CEMIP: variants seen among roughly 807,000 people sequenced by gnomAD.
CEMIP encodes cell migration-inducing and hyaluronan-binding protein.
In CEMIP, 105 loss-of-function variants were observed where a neutral mutation model predicts 156.9. The observed-to-expected ratio is 0.67, with a 90% CI of 0.57 to 0.79. CEMIP has a LOEUF of 0.79. CEMIP is among the 30% of genes least tolerant of loss of function. The probability of loss-of-function intolerance (pLI) is 0.00; values close to 1 mark genes in which losing one functional copy is unlikely to be tolerated. For synonymous variants in CEMIP, 676 were observed against 668.4 expected (o/e 1.01, Z -0.17); for missense variants, 1,457 against 1,769.4 (o/e 0.82, Z 3.17).
chr15:80,943,317 G>A (rs541799305), intron 28 of CEMIP, among the ~76,000 whole-genome samples: 38 of 152,332 alleles, frequency 2.5e-4, no homozygotes, highest in African/African-American at 7.7e-4. Context: ...TAGGTCAGGC[G>A]GAGGCAGGCG....
chr15:80,783,408 G>A (rs1384815949), intron 1 of CEMIP, among the ~76,000 whole-genome samples: 1 of 152,212 alleles, frequency 6.6e-6, no homozygotes, highest in Admixed American at 6.5e-5. Context: ...TAAAGCATCA[G>A]CTATCTCTCA....
At chr15:80,872,684 G>A (rs1898336435) in intron 1 of CEMIP, among the ~76,000 whole-genome samples, 1 of 152,108 alleles carries the variant, frequency 6.6e-6, no homozygotes, top group South Asian at 2.1e-4. Flanking sequence ...GTGTGGTGGT[G>A]CATGCCTGCA....
chr15:80,853,991 T>C (rs1897777434), intron 1 of CEMIP, among the ~76,000 whole-genome samples: 1 of 152,210 alleles, frequency 6.6e-6, no homozygotes, highest in Non-Finnish European at 1.5e-5. Flanking sequence ...CTTCCAAATG[T>C]AATACCCAGA....
At chr15:80,920,431 T>G in intron 15 of CEMIP, 132 bp downstream of exon 15, 1 of 769,504 alleles carries the variant, frequency 1.3e-6, no homozygotes, top group Non-Finnish European at 2.1e-6. Flanking sequence ...TCACAGCCCT[T>G]AACCACCTAC....
chr15:80,914,049 G>GA (rs1426493400), intron 14 of CEMIP, among the ~76,000 whole-genome samples: 1 of 151,980 alleles, frequency 6.6e-6, no homozygotes, highest in East Asian at 1.9e-4. Context: ...AAAGCTGCAG[G>GA]ATGCAGGCAG....
In CEMIP at chr15:80,921,755, C is replaced by T. The variant is rs546992660; in HGVS notation, c.2074-254C>T. On this transcript the variant is annotated intron_variant, in intron 16 of 29. Coordinates refer to ENST00000394685, the MANE Select transcript of CEMIP (RefSeq NM_001293298.2). ...AGTTTCAGCCCTGCAGTGATTGAAA[C>T]GCAGCATTTCTGAGCCATGTCTGAT... 1.2e-4 allele frequency among the ~76,000 whole-genome samples: 18 copies of T among 152,354 alleles called. No homozygotes were observed. In the South Asian group the frequency reaches 2.3e-3, roughly 19 times the overall value.
At chr15:80,793,599 T>C (rs1896139329) in intron 1 of CEMIP, among the ~76,000 whole-genome samples, 1 of 152,182 alleles carries the variant, frequency 6.6e-6, no homozygotes, top group Non-Finnish European at 1.5e-5. Flanking sequence ...CCTTGAGCTG[T>C]TACTAGATAT....
At chr15:80,878,167 A>G (rs1300242774) in intron 3 of CEMIP, among the ~76,000 whole-genome samples, 2 of 152,256 alleles carry the variant, frequency 1.3e-5, no homozygotes. Context: ...GATATAAACT[A>G]TAGTTCCTCC....
intron 1 of CEMIP, among the ~76,000 whole-genome samples, chr15:80,813,867 T>A (rs551657807): frequency 9.1e-4 from 138 of 152,236 alleles, no homozygotes; most frequent in African/African-American, 3.1e-3. Context: ...GCAAATTTGA[T>A]CATTTTTCTC....
intron 1 of CEMIP, among the ~76,000 whole-genome samples, chr15:80,834,966 G>C (rs74863882): frequency 1.3e-5 from 2 of 152,026 alleles, no homozygotes; most frequent in East Asian, 3.9e-4. Flanking sequence ...TTAAAAAAAA[G>C]AGCATGTGGC....
At chr15:80,901,048 A>C (rs145073266) in intron 12 of CEMIP, 1 of 447,918 alleles carries the variant, frequency 2.2e-6, no homozygotes, top group African/African-American at 2.0e-5. Context: ...TGTCAACCAC[A>C]GTATGATTAC....
chr15:80,926,612 A>G (rs2141936966), intron 19 of CEMIP, among the ~76,000 whole-genome samples: 1 of 152,224 alleles, frequency 6.6e-6, no homozygotes, highest in South Asian at 2.1e-4. Context: ...TCAGAAATGC[A>G]GAGATCTGGG....
chr15:80,919,814 CAA>C (rs11300537), intron 14 of CEMIP, among the ~76,000 whole-genome samples: 178 of 146,684 alleles, frequency 1.2e-3, no homozygotes, highest in Non-Finnish European at 1.1e-3. Context: ...GACTCCATCT[CAA>C]AAAAAAAAAA....
chr15:80,877,699 G>A (rs1032829829), intron 3 of CEMIP, among the ~76,000 whole-genome samples: 8 of 152,210 alleles, frequency 5.3e-5, no homozygotes, highest in African/African-American at 1.9e-4. Context: ...AGCCTTGTTA[G>A]CTATGTGAAC....
At chr15:80,799,735 C>T (rs1389009549) in intron 1 of CEMIP, among the ~76,000 whole-genome samples, 1 of 152,090 alleles carries the variant, frequency 6.6e-6, no homozygotes, top group African/African-American at 2.4e-5. Flanking sequence ...TATTATTCAG[C>T]CACAAAAAAT....
intron 1 of CEMIP, among the ~76,000 whole-genome samples, chr15:80,870,362 CTCT>C (rs978840018): frequency 5.3e-5 from 8 of 152,138 alleles, no homozygotes; most frequent in Non-Finnish European, 8.8e-5. Context: ...CTCCTGCTAC[CTCT>C]TCTTCCAATA....
intron 1 of CEMIP, among the ~76,000 whole-genome samples, chr15:80,839,289 A>AGTGAGTGTGTGTGTGTGT (rs1897334392): frequency 2.3e-5 from 3 of 131,120 alleles, no homozygotes; most frequent in African/African-American, 9.2e-5. Flanking sequence ...CAAGGCCGTG[A>AGTGAGTGTGTGTGTGTGT]GTGTGTGTGT....
intron 1 of CEMIP, among the ~76,000 whole-genome samples, chr15:80,792,323 G>T (rs180819046): frequency 5.3e-5 from 8 of 152,168 alleles, no homozygotes; most frequent in Admixed American, 4.6e-4. Context: ...CCACCAGTTT[G>T]CATGCTGTCT....
chr15:80,901,657 G>A (rs944811052), intron 12 of CEMIP, among the ~76,000 whole-genome samples: 4 of 150,732 alleles, frequency 2.7e-5, no homozygotes, highest in East Asian at 3.9e-4. Context: ...AGCCGAGATC[G>A]CACCATTGCA....
Sources: gnomAD v4.1 joint callset for allele counts (sites outside exome capture counted in the v4.1 genomes callset) on GRCh38, gnomAD v4.1.1 for gene constraint, MANE v1.5 for transcripts, NCBI Gene and HGNC (gene_info 2026-07-23, HGNC 2026-07-21) for gene names.